DLGAP2: variants seen among roughly 807,000 people sequenced by gnomAD.
DLGAP2 encodes the protein disks large-associated protein 2.
DLGAP2 carries 26 observed loss-of-function variants against 100.3 expected under a neutral mutation model. That is an observed-to-expected ratio of 0.26 (90% CI 0.19 to 0.36). The LOEUF is 0.36. Ranked by LOEUF, DLGAP2 falls within the 10% of genes least tolerant of loss-of-function variation. DLGAP2 has a pLI of 1.00. For missense variants in DLGAP2, 1,858 were observed against 1,453.2 expected (o/e 1.28, Z -4.53); for synonymous variants, 886 against 630.1 (o/e 1.41, Z -6.08).
intron 8 of DLGAP2, among the ~76,000 whole-genome samples, chr8:1,646,701 G>A (rs972571350): frequency 6.6e-6 from 1 of 152,184 alleles, no homozygotes; most frequent in African/African-American, 2.4e-5. Flanking sequence ...TCAATGTGCT[G>A]TTTGAAAACA....
At chr8:1,000,463 G>A (rs1800921072) in intron 2 of DLGAP2, among the ~76,000 whole-genome samples, 1 of 150,170 alleles carries the variant, frequency 6.7e-6, no homozygotes, top group Admixed American at 6.6e-5. Context: ...GTTTTGCACT[G>A]GATTTTCTCT....
intron 3 of DLGAP2, among the ~76,000 whole-genome samples, chr8:1,349,590 C>T (rs1210061611): frequency 1.4e-5 from 2 of 142,284 alleles, no homozygotes; most frequent in South Asian, 2.4e-4. Flanking sequence ...GGGAGACTAT[C>T]ATGAGCCTCC....
intron 3 of DLGAP2, among the ~76,000 whole-genome samples, chr8:1,267,070 T>C (rs1799467848): frequency 1.3e-5 from 2 of 151,266 alleles, no homozygotes; most frequent in Non-Finnish European, 2.9e-5. Flanking sequence ...CTACTAAAAA[T>C]ACAAAAACAA....
rs527643806 is a variant in DLGAP2 at position 1,013,609 on chromosome 8, T to C, written c.73+105643T>C. ...AAACGGACAGACGGCGCCTCCACTGTGTGTGTGACCAGGACAGACGGTGCC... is the reference window on the plus strand; with the variant it reads ...AAACGGACAGACGGCGCCTCCACTGCGTGTGTGACCAGGACAGACGGTGCC... On this transcript the variant is annotated intron_variant, in intron 2 of 14. Coordinates refer to ENST00000637795, the MANE Select transcript of DLGAP2 (RefSeq NM_001346810.2). 5.9e-4 allele frequency among the ~76,000 whole-genome samples: 84 copies of C among 141,442 alleles called. 4 individuals carry two copies. In the South Asian group the frequency reaches 0.018, roughly 30 times the overall value. 92.8% of individuals were successfully genotyped at this position (141,442 alleles called of 152,430 possible). A position where few individuals can be genotyped will look rare whatever the true frequency, so the allele number is the denominator to read the frequency against.
At chr8:1,701,112 C>G in intron 14 of DLGAP2, 76 bp from the exon 15 acceptor site, 1 of 1,405,816 alleles carries the variant, frequency 7.1e-7, no homozygotes, top group Admixed American at 2.3e-5. Flanking sequence ...AGGCCAGGCC[C>G]CAGGGCCGCT....
chr8:1,041,028 G>C (rs754842197), intron 2 of DLGAP2, among the ~76,000 whole-genome samples: 1 of 152,212 alleles, frequency 6.6e-6, no homozygotes, highest in Non-Finnish European at 1.5e-5. Context: ...TACTTTGTGT[G>C]AGTGAGGATG....
intron 1 of DLGAP2, among the ~76,000 whole-genome samples, chr8:884,775 A>G (rs1797889381): frequency 6.6e-6 from 1 of 152,198 alleles, no homozygotes; most frequent in African/African-American, 2.4e-5. Context: ...TTTTAAATTT[A>G]AGTCTTTAAT....
At chr8:834,956 G>A (rs976033786) in intron 1 of DLGAP2, among the ~76,000 whole-genome samples, 1 of 152,204 alleles carries the variant, frequency 6.6e-6, no homozygotes, top group African/African-American at 2.4e-5. Context: ...ATGTGTGTAT[G>A]TGTGCCTGTC....
intron 3 of DLGAP2, among the ~76,000 whole-genome samples, chr8:1,309,466 A>G (rs188451955): frequency 3.3e-5 from 5 of 152,306 alleles, no homozygotes; most frequent in Admixed American, 6.5e-5. Context: ...TAAAGTTCCT[A>G]AAGAAAAAAA....
At chr8:1,700,898 A>T (rs4876122) in intron 14 of DLGAP2, among the ~76,000 whole-genome samples, 22,664 of 152,200 alleles carry the variant, frequency 0.15, 2,003 homozygotes, top group Admixed American at 0.22. Context: ...GACTGCAGAG[A>T]CGCAAGGTGC....
chr8:1,219,880 G>A (rs541883212), intron 2 of DLGAP2, among the ~76,000 whole-genome samples: 44 of 151,720 alleles, frequency 2.9e-4, no homozygotes, highest in African/African-American at 8.7e-4. Flanking sequence ...TTTTTTCTAG[G>A]TTTTTTAGTT....
At chr8:955,031 T>G (rs1189192941) in intron 2 of DLGAP2, among the ~76,000 whole-genome samples, 4 of 152,074 alleles carry the variant, frequency 2.6e-5, no homozygotes, top group Admixed American at 2.6e-4. Flanking sequence ...TCATTTTCAG[T>G]ACAGAACTGC....
At chr8:1,411,227 T>C (rs938668870) in intron 3 of DLGAP2, among the ~76,000 whole-genome samples, 1 of 152,008 alleles carries the variant, frequency 6.6e-6, no homozygotes, top group Non-Finnish European at 1.5e-5. Flanking sequence ...AAAATGAATG[T>C]TTATATATAT....
intron 2 of DLGAP2, among the ~76,000 whole-genome samples, chr8:1,056,816 G>A (rs753011612): frequency 3.7e-4 from 56 of 152,228 alleles, no homozygotes; most frequent in Non-Finnish European, 6.2e-4. Context: ...CAGACCAGCT[G>A]CAATGAGTAC....
intron 2 of DLGAP2, chr8:1,002,275 C>T (rs993597212): frequency 8.5e-5 from 13 of 152,140 alleles, no homozygotes; most frequent in Non-Finnish European, 1.8e-4. Context: ...CGAACATCTC[C>T]AGGACTTCCT....
chr8:1,574,702 T>C (rs943379539), intron 6 of DLGAP2, among the ~76,000 whole-genome samples: 1 of 152,218 alleles, frequency 6.6e-6, no homozygotes, highest in African/African-American at 2.4e-5. Context: ...TTTACTGTGC[T>C]GAGTTGATAA....
In DLGAP2 at chr8:1,041,579, C is replaced by T. The variant is rs931636254; in HGVS notation, c.73+133613C>T. Among the ~76,000 whole-genome samples, 10 of 148,126 alleles carry T rather than the reference C, an allele frequency of 6.8e-5. No individual in the cohort carries two copies. The East Asian group carries it at 1.4e-3, about 21-fold the overall frequency. On this transcript the variant is annotated intron_variant, in intron 2 of 14. Transcript: ENST00000637795. ...CCCCTTGCCGTGGGTGAGTGTTCTC[C>T]GAACCCCTTGCCGTGGGTGAGTGTT...
intron 2 of DLGAP2, among the ~76,000 whole-genome samples, chr8:1,076,088 A>C (rs1803598948): frequency 1.3e-5 from 2 of 152,140 alleles, no homozygotes; most frequent in South Asian, 4.1e-4. Context: ...ATTTTTTCAC[A>C]ACAACGTTAT....
chr8:1,538,945 G>T (rs1440169437), intron 4 of DLGAP2, among the ~76,000 whole-genome samples: 2 of 147,904 alleles, frequency 1.4e-5, no homozygotes, highest in African/African-American at 5.0e-5. Flanking sequence ...GAATGCAATG[G>T]TGCGATCTCC....
Sources: allele counts gnomAD v4.1 joint callset (sites outside exome capture counted in the v4.1 genomes callset), GRCh38; gene constraint gnomAD v4.1.1; transcripts MANE v1.5; gene names NCBI Gene and HGNC (gene_info 2026-07-23, HGNC 2026-07-21).